PTPRD: variants seen among roughly 807,000 people sequenced by gnomAD.
PTPRD encodes the protein receptor-type tyrosine-protein phosphatase delta.
PTPRD carries 34 observed loss-of-function variants against 214.5 expected under a neutral mutation model. The ratio of observed to expected loss-of-function variants is 0.16; its 90% CI spans 0.12 to 0.21. The LOEUF (loss-of-function observed/expected upper bound fraction) is 0.21. PTPRD is among the 10% of genes least tolerant of loss of function. The pLI is 1.00. For synonymous variants in PTPRD, 1,128 were observed against 845.7 expected (o/e 1.33, Z -5.79); for missense variants, 2,545 against 2,398.7 (o/e 1.06, Z -1.27).
Position 9,805,918 on chromosome 9 carries a change from CA to C in PTPRD, c.-367-39068del, listed in dbSNP as rs574134656. 3.2e-4 allele frequency among the ~76,000 whole-genome samples: 48 copies of C among 151,986 alleles called. No individual in the cohort carries two copies. In the East Asian group the frequency reaches 8.7e-3, roughly 28 times the overall value. ...AAAGGCACAAAGTAGAAAAGAAGTA[CA>C]AAAAAACATAAAGTGAACCAAATTA... On this transcript the variant is annotated intron_variant, in intron 5 of 45. Coordinates refer to ENST00000381196, the MANE Select transcript of PTPRD (RefSeq NM_002839.4).
chr9:10,108,046 G>T (rs2098652262), intron 3 of PTPRD, among the ~76,000 whole-genome samples: 1 of 152,114 alleles, frequency 6.6e-6, no homozygotes, highest in Non-Finnish European at 1.5e-5. Context: ...GAGGGTGAGT[G>T]ACTAGCTTAG....
intron 8 of PTPRD, among the ~76,000 whole-genome samples, chr9:9,484,489 C>T (rs548154803): frequency 5.3e-5 from 8 of 152,206 alleles, no homozygotes; most frequent in African/African-American, 9.6e-5. Context: ...TGGATGTCTA[C>T]GTATGCAAAC....
chr9:9,454,493 T>C (rs540907782), intron 8 of PTPRD, among the ~76,000 whole-genome samples: 1 of 151,946 alleles, frequency 6.6e-6, no homozygotes, highest in Admixed American at 6.6e-5. Context: ...AATTAAACTC[T>C]AGTACAATTA....
At chr9:9,576,191 T>A (rs760582219) in intron 7 of PTPRD, among the ~76,000 whole-genome samples, 1 of 152,186 alleles carries the variant, frequency 6.6e-6, no homozygotes, top group Non-Finnish European at 1.5e-5. Flanking sequence ...TTGAAGAAAA[T>A]AGTTTATATA....
At chr9:8,398,493 G>T (rs142558360) in intron 36 of PTPRD, among the ~76,000 whole-genome samples, 1 of 152,142 alleles carries the variant, frequency 6.6e-6, no homozygotes, top group East Asian at 1.9e-4. Context: ...GACCCTTTCT[G>T]TAAGAAAAAA....
intron 11 of PTPRD, among the ~76,000 whole-genome samples, chr9:8,978,226 C>T (rs1024097911): frequency 2.0e-5 from 3 of 152,088 alleles, no homozygotes; most frequent in South Asian, 4.1e-4. Flanking sequence ...GGATTTATCT[C>T]AGTCTCAAAG....
At position 8,776,178 on chromosome 9, in the gene PTPRD, G is replaced by A. The variant is rs1035594490; in HGVS notation, c.-103-42232C>T. ...TGGAAGAGTAGAAGGACCGCACCCT[G>A]ATTTTGGGACAGTGAAAAGGTGAGA... On this transcript the variant is annotated intron_variant, in intron 11 of 45. Transcript: ENST00000381196. Among the ~76,000 whole-genome samples, 5 of 152,290 alleles carry A rather than the reference G, an allele frequency of 3.3e-5. No homozygotes were observed. The East Asian group carries it at 7.7e-4, about 24-fold the overall frequency.
chr9:9,401,384 T>A (rs1451997803), intron 8 of PTPRD, among the ~76,000 whole-genome samples: 3 of 152,048 alleles, frequency 2.0e-5, no homozygotes, highest in Non-Finnish European at 4.4e-5. Flanking sequence ...ATTTCCTTTT[T>A]CTCATACCAA....
chr9:9,236,454 C>G (rs2099966794), intron 9 of PTPRD, among the ~76,000 whole-genome samples: 1 of 151,784 alleles, frequency 6.6e-6, no homozygotes, highest in South Asian at 2.1e-4. Flanking sequence ...TTCAAATCCA[C>G]CCATAAATTC....
intron 9 of PTPRD, among the ~76,000 whole-genome samples, chr9:9,340,852 G>T (rs1012298031): frequency 6.6e-6 from 1 of 152,114 alleles, no homozygotes; most frequent in South Asian, 2.1e-4. Context: ...CATTCCTGAA[G>T]AAGGCATATA....
intron 14 of PTPRD, among the ~76,000 whole-genome samples, chr9:8,537,696 G>C (rs956088633): frequency 6.6e-6 from 1 of 151,982 alleles, no homozygotes. Context: ...TACCCACAGA[G>C]CATTCCAGAG....
At chr9:9,045,525 G>C (rs2099669813) in intron 10 of PTPRD, among the ~76,000 whole-genome samples, 1 of 152,160 alleles carries the variant, frequency 6.6e-6, no homozygotes, top group Non-Finnish European at 1.5e-5. Flanking sequence ...CAAACTTCAA[G>C]GTAACAGTTG....
intron 7 of PTPRD, among the ~76,000 whole-genome samples, chr9:9,719,971 G>A (rs577252854): frequency 6.6e-6 from 1 of 152,272 alleles, no homozygotes; most frequent in Non-Finnish European, 1.5e-5. Flanking sequence ...CCCCACGCTT[G>A]ATTGTTTACA....
At chr9:9,063,683 C>A (rs1335452117) in intron 10 of PTPRD, among the ~76,000 whole-genome samples, 2 of 152,082 alleles carry the variant, frequency 1.3e-5, no homozygotes, top group African/African-American at 4.8e-5. Context: ...ATATCAAAAC[C>A]ATTTAGCTTA....
At chr9:9,312,024 A>G (rs1462253648) in intron 9 of PTPRD, among the ~76,000 whole-genome samples, 1 of 152,232 alleles carries the variant, frequency 6.6e-6, no homozygotes, top group Non-Finnish European at 1.5e-5. Context: ...TTTATTCTCA[A>G]CAAAGGAAGT....
chr9:8,440,727 G>A (rs552797408), intron 34 of PTPRD, among the ~76,000 whole-genome samples: 2 of 152,166 alleles, frequency 1.3e-5, no homozygotes, highest in Non-Finnish European at 2.9e-5. Flanking sequence ...ACTGAAATCT[G>A]CCTTAGGTTG....
chr9:10,226,001 T>C (rs2099587672), intron 3 of PTPRD, among the ~76,000 whole-genome samples: 1 of 152,074 alleles, frequency 6.6e-6, no homozygotes, highest in African/African-American at 2.4e-5. Flanking sequence ...TAAGTCCTAC[T>C]GCAGTTTAAG....
At chr9:10,523,253 G>A (rs181949729) in intron 2 of PTPRD, among the ~76,000 whole-genome samples, 17 of 152,006 alleles carry the variant, frequency 1.1e-4, no homozygotes, top group African/African-American at 1.7e-4. Flanking sequence ...ATGAAATCAC[G>A]TAACAAATGC....
intron 10 of PTPRD, among the ~76,000 whole-genome samples, chr9:9,167,342 G>A (rs915963221): frequency 4.2e-4 from 63 of 151,730 alleles, no homozygotes; most frequent in African/African-American, 1.4e-3. Context: ...GTGTGTGTGT[G>A]TGTGTGTGTG....
Sources: allele counts gnomAD v4.1 joint callset (sites outside exome capture counted in the v4.1 genomes callset), GRCh38; gene constraint gnomAD v4.1.1; transcripts MANE v1.5; gene names NCBI Gene and HGNC (gene_info 2026-07-23, HGNC 2026-07-21).